MGRN1: variants seen among roughly 807,000 people sequenced by gnomAD.
The protein encoded by MGRN1 is E3 ubiquitin-protein ligase MGRN1.
MGRN1 carries 29 observed loss-of-function variants against 69.2 expected under a neutral mutation model. That is an observed-to-expected ratio of 0.42 (90% confidence interval 0.31 to 0.57). The LOEUF (loss-of-function observed/expected upper bound fraction) is 0.57, where lower values mean the gene tolerates loss of function less well. MGRN1 is among the 20% of genes least tolerant of loss of function. The probability of loss-of-function intolerance (pLI) is 0.15; values close to 1 mark genes in which losing one functional copy is unlikely to be tolerated. For synonymous variants in MGRN1, 470 were observed against 344.2 expected (o/e 1.37, Z -4.04); for missense variants, 998 against 796.2 (o/e 1.25, Z -3.05).
intron 1 of MGRN1, among the ~76,000 whole-genome samples, chr16:4,638,193 G>A (rs1413141357): frequency 6.6e-6 from 1 of 152,100 alleles, no homozygotes; most frequent in East Asian, 1.9e-4. Flanking sequence ...ATCAAGGTTG[G>A]GTGTGGTGGC....
In MGRN1 at chr16:4,686,225, G is replaced by T. The variant is rs568938992; in HGVS notation, c.1618+2293G>T. ...GCTGGCTGCTGCGCGCTTGCTAACC[G>T]AGCTTCCGTCTGTCTCTCCCCCTCT... On this transcript the variant is annotated intron_variant, in intron 16 of 16. Coordinates refer to ENST00000262370, the MANE Select transcript of MGRN1 (RefSeq NM_015246.4). The T allele has an allele frequency of 2.6e-5, 40 of 1,539,246 alleles. 1 individual carries two copies. In the African/African-American group the frequency reaches 5.1e-4, roughly 19 times the overall value.
At chr16:4,651,510 A>T (rs924336261) in intron 2 of MGRN1, among the ~76,000 whole-genome samples, 1 of 152,088 alleles carries the variant, frequency 6.6e-6, no homozygotes, top group Non-Finnish European at 1.5e-5. Flanking sequence ...ACAGAGGAAG[A>T]GGTGAGAGGG....
intron 1 of MGRN1, among the ~76,000 whole-genome samples, chr16:4,628,604 G>A (rs899150630): frequency 1.8e-4 from 28 of 152,170 alleles, no homozygotes; most frequent in African/African-American, 6.3e-4. Flanking sequence ...CAATGCAGTG[G>A]CATGATCTCG....
chr16:4,682,892 C>G lies in MGRN1; in HGVS notation c.1428C>G (p.Ala476=), dbSNP rs542394838. Residue 476 remains alanine (A), a synonymous_variant, in exon 14 of 17, where the codon GCC becomes GCG. Transcript: ENST00000262370. ...AGAAGCTCTCCGAGGACGTGGACGC[C>G]CCTCCCCCACTGGGTGGCGCAGAGC... The part of the protein sequence containing the change: ...DEEKLSEDVD[A]PPPLGGAELA... The G allele has an allele frequency of 6.2e-7, 1 of 1,609,488 alleles. No homozygotes were observed.
chr16:4,674,732 C>A (rs1319034968), intron 10 of MGRN1, among the ~76,000 whole-genome samples: 4 of 144,686 alleles, frequency 2.8e-5, no homozygotes, highest in African/African-American at 1.0e-4. Context: ...GCTCCGCTTC[C>A]CGGGTTCACG....
intron 1 of MGRN1, among the ~76,000 whole-genome samples, chr16:4,642,468 G>T (rs1438494086): frequency 7.9e-5 from 10 of 127,324 alleles, no homozygotes; most frequent in African/African-American, 2.8e-4. Context: ...CAGCTAATTT[G>T]TGTGTGTGTG....
In MGRN1 at chr16:4,686,989, G is replaced by A. The variant is rs189989946; in HGVS notation, c.1619-1807G>A. ...GTATCTTGCGTCCTGTCCTGAGGGC[G>A]TCCGCTCACACAGCCACCTGCTCCC... On this transcript the variant is annotated intron_variant, in intron 16 of 16. Transcript: ENST00000262370. 6,549 of 985,516 alleles carry A rather than the reference G, an allele frequency of 6.6e-3. 29 individuals are homozygous for A. The highest frequency in any genetic ancestry group is 7.4e-3 in the Non-Finnish European group (6,133 of 830,028). The allele number at this position is 985,516 out of a possible 1,614,324, so 61.0% of individuals were successfully genotyped here. A position where few individuals can be genotyped will look rare whatever the true frequency, so the allele number is the denominator to read the frequency against.
chr16:4,663,830 C>T lies in MGRN1; in HGVS notation c.562-879C>T, dbSNP rs1308548917. Among the ~76,000 whole-genome samples, 2 of 152,186 alleles carry T rather than the reference C, an allele frequency of 1.3e-5. 1 individual carries two copies. Among genetic ancestry groups the T allele is most frequent in the South Asian group, 4.1e-4 (2 of 4,834 alleles). On this transcript the variant is annotated intron_variant, in intron 5 of 16. Coordinates refer to ENST00000262370, the MANE Select transcript of MGRN1 (RefSeq NM_015246.4). ...CTGTGCTGGGCTGACTGCTGGGGCCCTGGGGGCCGTGGGGAAGAGGGTGGC... is the reference window on the plus strand; with the variant it reads ...CTGTGCTGGGCTGACTGCTGGGGCCTTGGGGGCCGTGGGGAAGAGGGTGGC...
At chr16:4,687,321 G>C (rs958871291) in intron 16 of MGRN1, 2 of 976,574 alleles carry the variant, frequency 2.0e-6, no homozygotes, top group Admixed American at 6.2e-5. Flanking sequence ...AGACCGAGGG[G>C]ATAGATCACT....
At chr16:4,637,963 C>A (rs188720112) in intron 1 of MGRN1, among the ~76,000 whole-genome samples, 1 of 152,244 alleles carries the variant, frequency 6.6e-6, no homozygotes, top group Admixed American at 6.5e-5. Context: ...GCCCCAGCGT[C>A]TTTGCTTAGT....
intron 9 of MGRN1, among the ~76,000 whole-genome samples, 192 bp downstream of exon 9, chr16:4,671,651 T>A (rs966764684): frequency 6.6e-6 from 1 of 152,160 alleles, no homozygotes; most frequent in Non-Finnish European, 1.5e-5. Context: ...TCCAGCAAAT[T>A]CACTAGCTTC....
chr16:4,648,090 C>G (rs1417978475), intron 1 of MGRN1, among the ~76,000 whole-genome samples: 1 of 152,140 alleles, frequency 6.6e-6, no homozygotes, highest in African/African-American at 2.4e-5. Flanking sequence ...GGTGGGAATT[C>G]TGAGAAGGAA....
intron 1 of MGRN1, among the ~76,000 whole-genome samples, chr16:4,644,776 A>T (rs1317102950): frequency 6.6e-6 from 1 of 152,178 alleles, no homozygotes; most frequent in Admixed American, 6.5e-5. Flanking sequence ...CTTCCAGTTA[A>T]GTTTTTTTGA....
At position 4,673,602 on chromosome 16, in the gene MGRN1, C is replaced by A; in HGVS notation, c.900C>A (p.Thr300=). ...CCTGCCGCCACCTGTGCCTCTGTAC[C>A]TCCTGCGCCGACACGCTGCGCTACC... ...ILPCRHLCLC[T]SCADTLRYQA... Residue 300 remains threonine, a synonymous_variant, in exon 10 of 17, where the codon ACC becomes ACA. Transcript: ENST00000262370. 1 of 1,613,748 alleles carries A rather than the reference C, an allele frequency of 6.2e-7. No homozygotes were observed. Among genetic ancestry groups the A allele is most frequent in the Non-Finnish European group, 8.5e-7 (1 of 1,179,938 alleles).
chr16:4,660,614 G>A (rs1016830928), intron 5 of MGRN1, among the ~76,000 whole-genome samples: 17 of 152,250 alleles, frequency 1.1e-4, no homozygotes, highest in African/African-American at 3.9e-4. Context: ...GGGCGCGGGG[G>A]TGGATGCGCT....
chr16:4,673,902 C>G (rs112391144), intron 10 of MGRN1, among the ~76,000 whole-genome samples: 2 of 152,226 alleles, frequency 1.3e-5, no homozygotes, highest in South Asian at 4.1e-4. Context: ...GCAAGGCTTG[C>G]AGAACAAAGG....
At chr16:4,663,487 G>A (rs2078732045) in intron 5 of MGRN1, among the ~76,000 whole-genome samples, 3 of 149,106 alleles carry the variant, frequency 2.0e-5, no homozygotes. Flanking sequence ...GGCACAGCCA[G>A]CATCTGTTCT....
At chr16:4,625,681 G>T (rs992749794) in intron 1 of MGRN1, among the ~76,000 whole-genome samples, 7 of 152,258 alleles carry the variant, frequency 4.6e-5, no homozygotes, top group Admixed American at 6.5e-5. Flanking sequence ...TGACTGCCAA[G>T]ATCTCAGCTG....
intron 16 of MGRN1, among the ~76,000 whole-genome samples, chr16:4,684,415 A>G (rs2079260818): frequency 6.6e-6 from 1 of 152,186 alleles, no homozygotes; most frequent in South Asian, 2.1e-4. Flanking sequence ...AGCAGGTACC[A>G]CACGCTGTGC....
Sources: allele counts gnomAD v4.1 joint callset (sites outside exome capture counted in the v4.1 genomes callset), GRCh38; gene constraint gnomAD v4.1.1; transcripts MANE v1.5; gene names NCBI Gene and HGNC (gene_info 2026-07-23, HGNC 2026-07-21).